Variants in NAALADL2 observed in about 807,000 individuals in gnomAD.
The protein encoded by NAALADL2 is N-acetylated alpha-linked acidic dipeptidase like 2.
A neutral mutation model predicts 87.2 loss-of-function variants in NAALADL2; 76 were observed. That is an observed-to-expected ratio of 0.87 (90% CI 0.72 to 1.05). The LOEUF is 1.05. Among genes scored for constraint, NAALADL2 ranks in the 50% least tolerant of loss-of-function variants. The pLI is 0.00. For missense variants in NAALADL2, 1,089 were observed against 945.8 expected (o/e 1.15, Z -1.99); for synonymous variants, 354 against 331.0 (o/e 1.07, Z -0.75).
intron 12 of NAALADL2, among the ~76,000 whole-genome samples, chr3:175,751,711 G>A (rs928830493): frequency 6.6e-6 from 1 of 151,992 alleles, no homozygotes; most frequent in Non-Finnish European, 1.5e-5. Flanking sequence ...AACTCGCTCT[G>A]AGAGAAATAT....
Position 174,923,233 on chromosome 3 carries a change from A to G in NAALADL2, c.43+63783A>G, listed in dbSNP as rs568318854. On this transcript the variant is annotated intron_variant, in intron 1 of 13. Coordinates refer to ENST00000454872, the MANE Select transcript of NAALADL2 (RefSeq NM_207015.3). Reference sequence around the variant, plus strand: ...TTTCATCTTAAGCTCATGAAATTATAAAGTGTAGTTAGTAGCTCCTGAGGG... The same window carrying G: ...TTTCATCTTAAGCTCATGAAATTATGAAGTGTAGTTAGTAGCTCCTGAGGG... Among the ~76,000 whole-genome samples the G allele has an allele frequency of 2.0e-5, 3 of 152,320 alleles. No individual in the cohort carries two copies. The South Asian group carries it at 6.2e-4, about 32-fold the overall frequency.
At chr3:174,699,034 CCTTTTCT>C (rs1156275164) in intron 2 of NAALADL2, among the ~76,000 whole-genome samples, 4 of 151,668 alleles carry the variant, frequency 2.6e-5, no homozygotes, top group Non-Finnish European at 5.9e-5. Flanking sequence ...TTAAATACTG[CCTTTTCT>C]TAAACCTCTT....
chr3:175,510,910 A>G (rs1731059492), intron 9 of NAALADL2, among the ~76,000 whole-genome samples: 1 of 152,172 alleles, frequency 6.6e-6, no homozygotes, highest in Admixed American at 6.5e-5. Context: ...CACAGCTCTT[A>G]ACAGGGTGCC....
In NAALADL2 at chr3:175,728,290, G is replaced by A. The variant is rs544669006; in HGVS notation, c.1897-9016G>A. ...TTAAAACAATTAGGGAGTTTGTGGAGTATTCCAAATGAAAGACAGTGACAG... is the reference window on the plus strand; with the variant it reads ...TTAAAACAATTAGGGAGTTTGTGGAATATTCCAAATGAAAGACAGTGACAG... On this transcript the variant is annotated intron_variant, in intron 11 of 13. Coordinates refer to ENST00000454872, the MANE Select transcript of NAALADL2 (RefSeq NM_207015.3). 2.0e-5 allele frequency among the ~76,000 whole-genome samples: 3 copies of A among 152,238 alleles called. No homozygotes were observed. The South Asian group carries it at 6.2e-4, about 32-fold the overall frequency.
At chr3:175,369,322 TG>T in intron 5 of NAALADL2, among the ~76,000 whole-genome samples, 2 of 152,058 alleles carry the variant, frequency 1.3e-5, no homozygotes, top group African/African-American at 4.8e-5. Flanking sequence ...GTAACAAGTA[TG>T]TGTGTGCCTG....
intron 2 of NAALADL2, among the ~76,000 whole-genome samples, chr3:174,733,633 C>A (rs182726808): frequency 6.6e-6 from 1 of 152,244 alleles, no homozygotes; most frequent in Admixed American, 6.5e-5. Flanking sequence ...ACCGAAACAC[C>A]AGGGGTTCAG....
intron 9 of NAALADL2, among the ~76,000 whole-genome samples, chr3:175,568,211 G>A (rs1038040919): frequency 6.6e-6 from 1 of 151,814 alleles, no homozygotes. Context: ...AGTAGAAAAA[G>A]TCAGTAATCA....
chr3:175,411,085 G>A (rs374701732), intron 5 of NAALADL2, among the ~76,000 whole-genome samples: 39 of 151,994 alleles, frequency 2.6e-4, no homozygotes, highest in African/African-American at 3.9e-4. Flanking sequence ...AGCTCTGGAC[G>A]AGAGTGATTA....
rs1442260619 is a variant in NAALADL2 at position 175,558,212 on chromosome 3, A to G, written c.1654-17829A>G. ...CCCGTCTCAAAAAAAAAAAAAAAAA[A>G]AAAAAGAAAGAAAGAAAGAAAAATG... is the stretch of plus-strand genomic sequence containing the variant. On this transcript the variant is annotated intron_variant, in intron 9 of 13. Coordinates refer to ENST00000454872, the MANE Select transcript of NAALADL2 (RefSeq NM_207015.3). Among the ~76,000 whole-genome samples, 20 of 151,456 alleles carry G rather than the reference A, an allele frequency of 1.3e-4. No individual in the cohort carries two copies. In the South Asian group the frequency reaches 2.9e-3, roughly 22 times the overall value.
chr3:174,838,819 T>G (rs11923985), intron 3 of NAALADL2, among the ~76,000 whole-genome samples: 15,841 of 152,132 alleles, frequency 0.1, 958 homozygotes, highest in Middle Eastern at 0.15. Context: ...CAAAGGATAC[T>G]ACAAAACACT....
At chr3:175,152,429 T>C (rs1243412807) in intron 2 of NAALADL2, among the ~76,000 whole-genome samples, 1 of 152,182 alleles carries the variant, frequency 6.6e-6, no homozygotes, top group Non-Finnish European at 1.5e-5. Flanking sequence ...ATTAGGACTA[T>C]GATACTTATA....
Position 174,638,524 on chromosome 3 carries a change from T to C in NAALADL2, c.-115+87887T>C, listed in dbSNP as rs183331296. Among the ~76,000 whole-genome samples the C allele has an allele frequency of 5.3e-5, 8 of 152,062 alleles. No homozygotes were observed. The East Asian group carries it at 7.7e-4, about 15-fold the overall frequency. On this transcript the variant is annotated intron_variant, in intron 2 of 3. Transcript: ENST00000434257. ...GTAGAGGTAAACAGCCTTTTGCACA[T>C]AGAAAATAGCATAACTAGAAGTATA...
At chr3:175,406,627 T>C (rs1310617916) in intron 5 of NAALADL2, among the ~76,000 whole-genome samples, 1 of 152,206 alleles carries the variant, frequency 6.6e-6, no homozygotes, top group Non-Finnish European at 1.5e-5. Flanking sequence ...AAAGACATAA[T>C]AGTGGTTACA....
At chr3:175,559,605 G>T (rs1246114980) in intron 9 of NAALADL2, among the ~76,000 whole-genome samples, 1 of 152,068 alleles carries the variant, frequency 6.6e-6, no homozygotes. Context: ...TTATGTTGAG[G>T]TATGTTTTTC....
At chr3:175,280,583 T>C (rs1435945152) in intron 4 of NAALADL2, among the ~76,000 whole-genome samples, 1 of 152,102 alleles carries the variant, frequency 6.6e-6, no homozygotes, top group African/African-American at 2.4e-5. Context: ...TTGAAGTACA[T>C]ATTGTTACCA....
intron 5 of NAALADL2, among the ~76,000 whole-genome samples, chr3:175,429,472 A>C (rs1309759702): frequency 6.6e-6 from 1 of 151,954 alleles, no homozygotes; most frequent in African/African-American, 2.4e-5. Context: ...CTTTGCTTAG[A>C]AGGTTTCTGG....
intron 1 of NAALADL2, among the ~76,000 whole-genome samples, chr3:175,096,348 C>G (rs1166196507): frequency 6.6e-6 from 1 of 151,878 alleles, no homozygotes; most frequent in Non-Finnish European, 1.5e-5. Context: ...CTTACCAAAT[C>G]GCAGCTTTAT....
chr3:175,462,535 A>G (rs1029430397), intron 6 of NAALADL2, among the ~76,000 whole-genome samples: 1 of 152,188 alleles, frequency 6.6e-6, no homozygotes, highest in Non-Finnish European at 1.5e-5. Flanking sequence ...TAATGTGGCT[A>G]CTTTGCATTA....
At chr3:174,785,952 T>C (rs1716587231) in intron 3 of NAALADL2, among the ~76,000 whole-genome samples, 2 of 152,116 alleles carry the variant, frequency 1.3e-5, no homozygotes, top group African/African-American at 4.8e-5. Flanking sequence ...GATTCCTTTT[T>C]CCTAAATTAA....
Sources: allele counts gnomAD v4.1 joint callset (sites outside exome capture counted in the v4.1 genomes callset), GRCh38; gene constraint gnomAD v4.1.1; transcripts MANE v1.5; gene names NCBI Gene and HGNC (gene_info 2026-07-23, HGNC 2026-07-21).